The following BST1 variants were observed in gnomAD, a reference collection of about 807,000 sequenced individuals.
BST1 encodes the protein ADP-ribosyl cyclase/cyclic ADP-ribose hydrolase 2.
In BST1, 49 loss-of-function variants were observed where a neutral mutation model predicts 40.6. That is an observed-to-expected ratio of 1.21 (90% CI 0.96 to 1.53). BST1 has a LOEUF of 1.53. Ranked by LOEUF, BST1 falls within the 40% of genes most tolerant of loss-of-function variation. The probability of loss-of-function intolerance (pLI) is 0.00; values close to 1 mark genes in which losing one functional copy is unlikely to be tolerated. For missense variants in BST1, 423 were observed against 395.9 expected (o/e 1.07, Z -0.58); for synonymous variants, 157 against 159.3 (o/e 0.99, Z 0.11).
chr4:15,722,007 C>A (rs907685907), intron 7 of BST1, among the ~76,000 whole-genome samples: 1 of 152,118 alleles, frequency 6.6e-6, no homozygotes, highest in Non-Finnish European at 1.5e-5. Context: ...TGGCTCCTGT[C>A]TTCATTGCTG....
chr4:15,725,865 C>A (rs778166056), intron 8 of BST1, among the ~76,000 whole-genome samples: 14 of 151,828 alleles, frequency 9.2e-5, no homozygotes, highest in Non-Finnish European at 1.8e-4. Context: ...ACAACTGTGG[C>A]TCTTCAAAAC....
At chr4:15,764,590 ATGATGG>A in the BST1 span, among the ~76,000 whole-genome samples, 2 of 152,000 alleles carry the variant, frequency 1.3e-5, no homozygotes, top group African/African-American at 4.9e-5. Context: ...TCCATGTGCT[ATGATGG>A]GCTTAATTTG....
At chr4:15,754,226 G>C in the BST1 span, among the ~76,000 whole-genome samples, 11 of 152,166 alleles carry the variant, frequency 7.2e-5, no homozygotes, top group Non-Finnish European at 7.3e-5. Context: ...GAAATATTGA[G>C]AGGGAGGCTC....
chr4:15,715,617 T>C (rs1720467920), intron 5 of BST1, 90 bp from the exon 6 acceptor site: 1 of 1,013,968 alleles, frequency 9.9e-7, no homozygotes, highest in South Asian at 1.8e-5. Context: ...AAAAGCTCTT[T>C]ATTTTTTTTT....
chr4:15,743,738 C>A, the BST1 span, among the ~76,000 whole-genome samples: 4 of 152,190 alleles, frequency 2.6e-5, no homozygotes, highest in Non-Finnish European at 1.5e-5. Flanking sequence ...TGTATCCCAA[C>A]TCTGAGATTT....
intron 1 of BST1, among the ~76,000 whole-genome samples, chr4:15,704,053 CTG>C (rs1719732191): frequency 1.1e-5 from 1 of 95,170 alleles, no homozygotes; most frequent in South Asian, 3.8e-4. Flanking sequence ...GTGTGTGTAT[CTG>C]TGTTCTAGAG....
In BST1 at chr4:15,707,515, T is replaced by C; in HGVS notation, c.320T>C (p.Leu107Pro). ...GTTTTGTTTGTCTTTCCTTAGTCCCTGTTCTGGGAAAATAGCCACCTCCTT... is the reference window on the plus strand; with the variant it reads ...GTTTTGTTTGTCTTTCCTTAGTCCCCGTTCTGGGAAAATAGCCACCTCCTT... ...SRHSIPRDKSLFWENSHLLVN... is the reference protein window; with the variant it reads ...SRHSIPRDKSPFWENSHLLVN... Residue 107 changes from leucine to proline, a missense_variant, in exon 3 of 9, where the codon CTG becomes CCG. By Grantham distance (98) the Leu-to-Pro change is moderately conservative. Coordinates refer to ENST00000265016, the MANE Select transcript of BST1 (RefSeq NM_004334.3). 1.2e-6 allele frequency: 2 copies of C among 1,612,778 alleles called. No homozygotes were observed. Among genetic ancestry groups the C allele is most frequent in the Non-Finnish European group, 1.7e-6 (2 of 1,179,228 alleles).
Position 15,710,039 on chromosome 4 carries a change from C to T in BST1, c.452-1768C>T, listed in dbSNP as rs139341995. Among the ~76,000 whole-genome samples the T allele has an allele frequency of 2.8e-3, 428 of 152,098 alleles. 1 individual carries two copies. The highest frequency in any genetic ancestry group is 1.0e-2 in the African/African-American group (414 of 41,482). ...CCGGGCTGTAATGCAGTGGTGTGAT[C>T]CTAGCTCATTGCAGCCTTGAACTCC... On this transcript the variant is annotated intron_variant, in intron 3 of 8. Transcript: ENST00000265016.
At chr4:15,722,626 T>C (rs999364282) in intron 7 of BST1, among the ~76,000 whole-genome samples, 1 of 134,664 alleles carries the variant, frequency 7.4e-6, no homozygotes, top group African/African-American at 3.0e-5. Flanking sequence ...AGAGCCAAGG[T>C]CTCGCTATGT....
At position 15,707,520 on chromosome 4, in the gene BST1, T is replaced by A. The variant is rs1719944479; in HGVS notation, c.325T>A (p.Trp109Arg). ...HSIPRDKSLF[W>R]ENSHLLVNSF... ...GTTTGTCTTTCCTTAGTCCCTGTTC[T>A]GGGAAAATAGCCACCTCCTTGTTAA... The change falls in exon 3 of 9, where the codon TGG (tryptophan) becomes AGG (arginine). Residue 109 changes from tryptophan (W) to arginine (R), a missense_variant. By Grantham distance (101) the Trp-to-Arg change is moderately radical (BLOSUM62 -3). Transcript: ENST00000265016. The A allele has an allele frequency of 1.9e-6, 3 of 1,613,874 alleles. No individual in the cohort carries two copies. The highest frequency in any genetic ancestry group is 2.5e-6 in the Non-Finnish European group (3 of 1,179,958).
At chr4:15,720,599 CAAAA>C (rs575238008) in intron 7 of BST1, among the ~76,000 whole-genome samples, 1 of 110,094 alleles carries the variant, frequency 9.1e-6, no homozygotes, top group Admixed American at 9.4e-5. Context: ...GACTCTGTCT[CAAAA>C]AAAAAAAAAA....
chr4:15,744,310 G>C, the BST1 span, among the ~76,000 whole-genome samples: 1 of 152,160 alleles, frequency 6.6e-6, no homozygotes, highest in African/African-American at 2.4e-5. Context: ...GTCCCACGTG[G>C]TTGGGGAGGC....
intron 1 of BST1, among the ~76,000 whole-genome samples, chr4:15,705,278 G>A (rs899237649): frequency 6.6e-6 from 1 of 151,918 alleles, no homozygotes; most frequent in African/African-American, 2.4e-5. Context: ...TGAGCCTGGG[G>A]CAAGGCTGTA....
At position 15,710,539 on chromosome 4, in the gene BST1, C is replaced by T. The variant is rs369829161; in HGVS notation, c.452-1268C>T. 1.1e-4 allele frequency among the ~76,000 whole-genome samples: 17 copies of T among 152,248 alleles called. No individual in the cohort carries two copies. The East Asian group carries it at 3.1e-3, about 28-fold the overall frequency. The stretch of plus-strand genomic sequence containing the variant: ...ATTACAGCCCCAGTACTTATTCCTC[C>T]TATGTAACTGTAATATTGTTGACCA... On this transcript the variant is annotated intron_variant, in intron 3 of 8. Transcript: ENST00000265016.
intron 7 of BST1, among the ~76,000 whole-genome samples, chr4:15,719,999 A>G (rs1272059225): frequency 6.6e-6 from 1 of 152,200 alleles, no homozygotes; most frequent in Admixed American, 6.5e-5. Flanking sequence ...TAATCTATGT[A>G]CAGAAAAATA....
the BST1 span, among the ~76,000 whole-genome samples, chr4:15,763,796 G>A: frequency 6.6e-6 from 1 of 152,006 alleles, no homozygotes; most frequent in Non-Finnish European, 1.5e-5. Flanking sequence ...AATGCATATT[G>A]CTAAGTGAAC....
In BST1 at chr4:15,715,270, T is replaced by G. The variant is rs1420485404; in HGVS notation, c.535-15T>G. 7 of 1,612,502 alleles carry G rather than the reference T, an allele frequency of 4.3e-6. No homozygotes were observed. The highest frequency in any genetic ancestry group is 5.9e-6 in the Non-Finnish European group (7 of 1,178,848). ...CACGTCTTTATTTGCTAAAAATACT[T>G]GGTTCTTCTCGTAGTATTCCAAGGA... On this transcript the variant is annotated splice_polypyrimidine_tract_variant and intron_variant, in intron 4 of 8. Transcript: ENST00000265016.
the BST1 span, among the ~76,000 whole-genome samples, chr4:15,751,314 A>T: frequency 6.6e-6 from 1 of 152,178 alleles, no homozygotes; most frequent in African/African-American, 2.4e-5. Context: ...ATTGAAAAAA[A>T]TCTCGGGGAA....
intron 3 of BST1, among the ~76,000 whole-genome samples, chr4:15,707,853 CTCTA>C (rs1427378397): frequency 4.6e-5 from 5 of 108,358 alleles, no homozygotes; most frequent in South Asian, 3.0e-4. Flanking sequence ...CTCTCTCTCT[CTCTA>C]TATATATATA....
Sources: gnomAD v4.1 joint callset for allele counts (sites outside exome capture counted in the v4.1 genomes callset) on GRCh38, gnomAD v4.1.1 for gene constraint, MANE v1.5 for transcripts, NCBI Gene and HGNC (gene_info 2026-07-23, HGNC 2026-07-21) for gene names.